NGEF: variants seen among roughly 807,000 people sequenced by gnomAD.
The protein encoded by NGEF is ephexin-1.
In NGEF, 31 loss-of-function variants were observed where a neutral mutation model predicts 80.9. The observed-to-expected ratio is 0.38, with a 90% CI of 0.29 to 0.52. The LOEUF (loss-of-function observed/expected upper bound fraction) is 0.52, where lower values mean the gene tolerates loss of function less well. NGEF is among the 20% of genes least tolerant of loss of function. The probability of loss-of-function intolerance (pLI) is 0.84; values close to 1 mark genes in which losing one functional copy is unlikely to be tolerated. For synonymous variants in NGEF, 371 were observed against 370.2 expected (o/e 1.00, Z -0.03); for missense variants, 709 against 926.2 (o/e 0.77, Z 3.04).
chr2:232,918,636 T>G (rs867410908), intron 5 of NGEF, among the ~76,000 whole-genome samples: 10,551 of 146,624 alleles, frequency 0.072, 589 homozygotes, highest in East Asian at 0.17. Context: ...AAGTTTTTTT[T>G]TTTTTTTTTT....
chr2:232,972,220 C>A (rs779699983), intron 2 of NGEF, among the ~76,000 whole-genome samples: 3 of 151,846 alleles, frequency 2.0e-5, no homozygotes, highest in African/African-American at 4.8e-5. Flanking sequence ...ATTTGGCATG[C>A]GAATTGAGAG....
chr2:232,888,496 TG>T (rs1245166281), intron 8 of NGEF, among the ~76,000 whole-genome samples: 1 of 150,888 alleles, frequency 6.6e-6, no homozygotes, highest in Non-Finnish European at 1.5e-5. Context: ...TGTACACACG[TG>T]TACAAACATG....
At chr2:232,952,066 G>T (rs1441869968) in intron 3 of NGEF, among the ~76,000 whole-genome samples, 1 of 152,202 alleles carries the variant, frequency 6.6e-6, no homozygotes, top group Non-Finnish European at 1.5e-5. Context: ...GGATAAATGG[G>T]CTGTAAAGCC....
At chr2:232,982,299 CAG>C (rs943299562) in intron 1 of NGEF, among the ~76,000 whole-genome samples, 3 of 152,120 alleles carry the variant, frequency 2.0e-5, no homozygotes, top group African/African-American at 7.2e-5. Flanking sequence ...TGGCCTGAGA[CAG>C]GGGGACAGCA....
At chr2:232,921,373 T>A (rs1019636613) in intron 4 of NGEF, among the ~76,000 whole-genome samples, 3 of 152,174 alleles carry the variant, frequency 2.0e-5, no homozygotes, top group Non-Finnish European at 4.4e-5. Context: ...CAGGGTCTTG[T>A]CTATGGTGCC....
At chr2:232,923,534 G>A (rs1421239633) in intron 4 of NGEF, among the ~76,000 whole-genome samples, 3 of 152,014 alleles carry the variant, frequency 2.0e-5, no homozygotes, top group South Asian at 2.1e-4. Context: ...TCAGGAGTTC[G>A]AGACCAGCCT....
intron 4 of NGEF, among the ~76,000 whole-genome samples, chr2:232,922,108 C>T (rs1692959568): frequency 6.6e-6 from 1 of 152,198 alleles, no homozygotes; most frequent in Non-Finnish European, 1.5e-5. Flanking sequence ...ATATGTCTAA[C>T]TATGAGACAA....
At chr2:232,999,963 C>A (rs1318020300) in intron 1 of NGEF, among the ~76,000 whole-genome samples, 1 of 152,336 alleles carries the variant, frequency 6.6e-6, no homozygotes, top group Non-Finnish European at 1.5e-5. Context: ...AGTCTGCTAA[C>A]ACTGCCATAA....
rs547233745 is a variant in NGEF, at chr2:232,888,374, G to A, written c.1273-267C>T. ...CAAGCAGTGTGCACACATGCACACC[G>A]TGTAGAAACATGCATACAAGCACAC... On this transcript the variant is annotated intron_variant, in intron 8 of 14. Transcript: ENST00000264051. Among the ~76,000 whole-genome samples, 23 of 148,350 alleles carry A rather than the reference G, an allele frequency of 1.6e-4. No homozygotes were observed. The East Asian group carries it at 2.8e-3, about 18-fold the overall frequency.
At chr2:232,984,544 G>A (rs1224047255) in intron 1 of NGEF, among the ~76,000 whole-genome samples, 1 of 152,198 alleles carries the variant, frequency 6.6e-6, no homozygotes, top group Non-Finnish European at 1.5e-5. Context: ...GGAAGGGGCA[G>A]AGCCAGAGGG....
chr2:232,955,660 A>C (rs1386402275), intron 3 of NGEF, among the ~76,000 whole-genome samples: 1 of 152,198 alleles, frequency 6.6e-6, no homozygotes, highest in African/African-American at 2.4e-5. Context: ...CTGGGATTAC[A>C]GGCATGTGCC....
rs892277466 is a variant in NGEF at position 233,005,162 on chromosome 2, GC to G, written c.-75+7905del. Among the ~76,000 whole-genome samples, 9 of 152,164 alleles carry G rather than the reference GC, an allele frequency of 5.9e-5. No homozygotes were observed. In the East Asian group the frequency reaches 1.7e-3, roughly 29 times the overall value. On this transcript the variant is annotated intron_variant, in intron 1 of 14. Coordinates refer to ENST00000264051, the MANE Select transcript of NGEF (RefSeq NM_019850.3). ...CATGGATCAGCACCAACACATGGATGCCCCCAATGTGCCATTTCTGGGATAC... is the reference window on the plus strand; with the variant it reads ...CATGGATCAGCACCAACACATGGATGCCCCAATGTGCCATTTCTGGGATAC...
At chr2:232,891,311 C>T (rs1337560603) in intron 8 of NGEF, 47 bp downstream of exon 8, 3 of 1,608,308 alleles carry the variant, frequency 1.9e-6, no homozygotes. Flanking sequence ...ATGACCACAG[C>T]AAAGCCTGGG....
chr2:232,933,813 C>A (rs185986212), intron 3 of NGEF, among the ~76,000 whole-genome samples: 2 of 152,366 alleles, frequency 1.3e-5, no homozygotes, highest in East Asian at 3.9e-4. Context: ...CCCCACCAGG[C>A]CCCTTCTGCT....
intron 2 of NGEF, among the ~76,000 whole-genome samples, chr2:232,974,225 G>A (rs1694246341): frequency 6.6e-6 from 1 of 151,956 alleles, no homozygotes; most frequent in Non-Finnish European, 1.5e-5. Context: ...CAGAAGCTTT[G>A]GCTATGGCAG....
intron 4 of NGEF, among the ~76,000 whole-genome samples, chr2:232,920,971 CA>C (rs1692930614): frequency 6.6e-6 from 1 of 152,156 alleles, no homozygotes. Context: ...CCATAGCCCT[CA>C]ACGTTTCAAT....
At chr2:232,900,319 T>C (rs1311784573) in intron 5 of NGEF, among the ~76,000 whole-genome samples, 1 of 57,824 alleles carries the variant, frequency 1.7e-5, no homozygotes, top group Non-Finnish European at 3.1e-5. Context: ...TTCACTCACA[T>C]TCACTCACAC....
At chr2:232,991,341 T>TA (rs397717615) in intron 1 of NGEF, among the ~76,000 whole-genome samples, 40 of 72,686 alleles carry the variant, frequency 5.5e-4, no homozygotes, top group Non-Finnish European at 7.1e-4. Context: ...AGGAATCCAG[T>TA]AAAAAAAAAC....
intron 5 of NGEF, 75 bp from the exon 6 acceptor site, chr2:232,894,991 G>A (rs1345632510): frequency 6.8e-7 from 1 of 1,465,992 alleles, no homozygotes; most frequent in Non-Finnish European, 9.3e-7. Context: ...CTGAGACAGA[G>A]GAGCAGAGGG....
Sources: allele counts gnomAD v4.1 joint callset (sites outside exome capture counted in the v4.1 genomes callset), GRCh38; gene constraint gnomAD v4.1.1; transcripts MANE v1.5; gene names NCBI Gene and HGNC (gene_info 2026-07-23, HGNC 2026-07-21).